CYP2C19: variants seen among roughly 807,000 people sequenced by gnomAD.
CYP2C19 encodes the protein cytochrome P450 2C19.
In CYP2C19, 59 loss-of-function variants were observed where a neutral mutation model predicts 40.9. The observed-to-expected ratio is 1.44, with a 90% confidence interval of 1.17 to 1.79. The LOEUF (loss-of-function observed/expected upper bound fraction) is 1.79, where lower values mean the gene tolerates loss of function less well. CYP2C19 is among the 40% of genes most tolerant of loss of function. The pLI is 0.00. For synonymous variants in CYP2C19, 253 were observed against 208.7 expected, an observed-to-expected ratio of 1.21 and a Z score of -1.83; for missense variants, 754 against 596.9, an observed-to-expected ratio of 1.26 and a Z score of -2.74.
At chr10:94,830,102 CTT>C (rs1849304721) in intron 6 of CYP2C19, among the ~76,000 whole-genome samples, 1 of 152,300 alleles carries the variant, frequency 6.6e-6, no homozygotes, top group East Asian at 1.9e-4. Flanking sequence ...TTACTGCTGT[CTT>C]TTTGTTTGTC....
chr10:94,835,951 T>A (rs1178288178), intron 6 of CYP2C19, among the ~76,000 whole-genome samples: 1 of 152,174 alleles, frequency 6.6e-6, no homozygotes, highest in Non-Finnish European at 1.5e-5. Flanking sequence ...TCCATCAGTG[T>A]ACAAGTTGAA....
intron 5 of CYP2C19, among the ~76,000 whole-genome samples, chr10:94,806,072 C>A (rs183830451): frequency 2.0e-5 from 3 of 151,790 alleles, no homozygotes; most frequent in Admixed American, 1.3e-4. Context: ...TTCCACCGTC[C>A]CGTGGCAACC....
At chr10:94,816,671 G>T (rs377051594) in intron 5 of CYP2C19, among the ~76,000 whole-genome samples, 2 of 149,894 alleles carry the variant, frequency 1.3e-5, no homozygotes, top group African/African-American at 4.9e-5. Flanking sequence ...CTGGTGCGCT[G>T]CACCCACTAA....
At chr10:94,811,244 G>T (rs1281614480) in intron 5 of CYP2C19, among the ~76,000 whole-genome samples, 2 of 152,142 alleles carry the variant, frequency 1.3e-5, no homozygotes, top group South Asian at 2.1e-4. Context: ...TGGTCTAATA[G>T]GTTGTTTGCT....
At chr10:94,832,471 C>T (rs549489730) in intron 6 of CYP2C19, among the ~76,000 whole-genome samples, 1 of 152,248 alleles carries the variant, frequency 6.6e-6, no homozygotes, top group Non-Finnish European at 1.5e-5. Context: ...CCCACATGGC[C>T]TTGTACTTGG....
intron 1 of CYP2C19, among the ~76,000 whole-genome samples, chr10:94,771,040 GTGAGATCGAA>G (rs1183172971): frequency 6.6e-6 from 1 of 152,152 alleles, no homozygotes; most frequent in East Asian, 1.9e-4. Context: ...ATCTCTCCAA[GTGAGATCGAA>G]GGTTTGCCCT....
At chr10:94,769,375 G>T (rs1047257028) in intron 1 of CYP2C19, among the ~76,000 whole-genome samples, 1 of 152,176 alleles carries the variant, frequency 6.6e-6, no homozygotes, top group Non-Finnish European at 1.5e-5. Context: ...GTCCACATAA[G>T]TTGGGACGTG....
chr10:94,797,924 A>G (rs1044812522), intron 5 of CYP2C19, among the ~76,000 whole-genome samples: 10 of 151,728 alleles, frequency 6.6e-5, no homozygotes, highest in African/African-American at 2.4e-4. Flanking sequence ...AGTTTTGTTG[A>G]TCTTTTCAAA....
At chr10:94,836,018 C>G (rs1849398319) in intron 6 of CYP2C19, among the ~76,000 whole-genome samples, 1 of 152,166 alleles carries the variant, frequency 6.6e-6, no homozygotes, top group Non-Finnish European at 1.5e-5. Flanking sequence ...TAGGTTTGAG[C>G]AATTACTTGT....
At position 94,852,923 on chromosome 10, in the gene CYP2C19, A is replaced by G. The variant is rs1422050899; in HGVS notation, c.*9A>G. The G allele has an allele frequency of 1.2e-6, 2 of 1,613,792 alleles. No homozygotes were observed. The highest frequency in any genetic ancestry group is 1.7e-5 in the Admixed American group (1 of 59,960). On this transcript the variant is annotated 3_prime_UTR_variant, in exon 9 of 9. Transcript: ENST00000371321. ...GCTTCATTCCTGTCTGAAGAAGCAC[A>G]GATGGTCTGGCTGCTCCTGTGCTGT... is the stretch of plus-strand genomic sequence containing the variant.
chr10:94,763,645 G>A (rs17879263), intron 1 of CYP2C19, among the ~76,000 whole-genome samples: 11,295 of 151,966 alleles, frequency 0.074, 486 homozygotes, highest in South Asian at 0.12. Flanking sequence ...AAGAGAATGA[G>A]GCTGTAGTTA....
At chr10:94,802,900 G>A (rs1437427584) in intron 5 of CYP2C19, among the ~76,000 whole-genome samples, 2 of 152,146 alleles carry the variant, frequency 1.3e-5, no homozygotes, top group African/African-American at 4.8e-5. Context: ...TTTTAAGAAT[G>A]TTGAATATTG....
chr10:94,821,928 C>T (rs1199501539), intron 6 of CYP2C19, among the ~76,000 whole-genome samples: 2 of 151,988 alleles, frequency 1.3e-5, no homozygotes, highest in Non-Finnish European at 2.9e-5. Flanking sequence ...GTTCTCCAAC[C>T]CACATCCCTT....
At chr10:94,830,977 G>A (rs1849325285) in intron 6 of CYP2C19, among the ~76,000 whole-genome samples, 1 of 152,040 alleles carries the variant, frequency 6.6e-6, no homozygotes, top group African/African-American at 2.4e-5. Context: ...TCACACTGTT[G>A]TGCTATCAAA....
chr10:94,775,926 G>A (rs1589347170), intron 3 of CYP2C19: 3 of 287,886 alleles, frequency 1.0e-5, no homozygotes, highest in Non-Finnish European at 2.0e-5. Flanking sequence ...GGTGGAAATG[G>A]CCCTATCACA....
rs1219863646 is a variant in CYP2C19 at position 94,854,740 on chromosome 10, T to TA, written c.*1826_*1827insA. Reference sequence around the variant, plus strand: ...TAAATGTTTATTTACAATATTGGGCTCATATCACACATCTTGTATTAAAAC... The same window carrying TA: ...TAAATGTTTATTTACAATATTGGGCTACATATCACACATCTTGTATTAAAAC... On this transcript the variant is annotated 3_prime_UTR_variant, in exon 9 of 9. Coordinates refer to ENST00000371321, the MANE Select transcript of CYP2C19 (RefSeq NM_000769.4). Among the ~76,000 whole-genome samples, 3 of 152,274 alleles carry TA rather than the reference T, an allele frequency of 2.0e-5. No individual in the cohort carries two copies. The East Asian group carries it at 5.8e-4, about 29-fold the overall frequency.
At chr10:94,835,364 C>A (rs758410624) in intron 6 of CYP2C19, among the ~76,000 whole-genome samples, 1 of 152,140 alleles carries the variant, frequency 6.6e-6, no homozygotes, top group African/African-American at 2.4e-5. Context: ...TAGCTGCAGG[C>A]AAATGTAATT....
chr10:94,816,214 A>T (rs1268532453), intron 5 of CYP2C19, among the ~76,000 whole-genome samples: 1 of 151,718 alleles, frequency 6.6e-6, no homozygotes, highest in East Asian at 1.9e-4. Context: ...GGTCTACAGC[A>T]TCCACTACAC....
At chr10:94,767,001 T>C (rs1006331898) in intron 1 of CYP2C19, among the ~76,000 whole-genome samples, 4 of 152,118 alleles carry the variant, frequency 2.6e-5, no homozygotes, top group African/African-American at 9.7e-5. Flanking sequence ...AGGTAGGTTT[T>C]TAAGGTTTCA....
Sources: gnomAD v4.1 joint callset for allele counts (sites outside exome capture counted in the v4.1 genomes callset) on GRCh38, gnomAD v4.1.1 for gene constraint, MANE v1.5 for transcripts, NCBI Gene and HGNC (gene_info 2026-07-23, HGNC 2026-07-21) for gene names.